Variants in WDR70 observed in about 807,000 individuals in gnomAD.
WDR70 encodes WD repeat domain 70, also known as WD repeat-containing protein 70.
In WDR70, 53 loss-of-function variants were observed where a neutral mutation model predicts 88.6. The observed-to-expected ratio is 0.60, with a 90% CI of 0.48 to 0.75. WDR70 has a LOEUF of 0.75. Ranked by LOEUF, WDR70 falls within the 30% of genes least tolerant of loss-of-function variation. The pLI is 0.00. For synonymous variants in WDR70, 280 were observed against 270.0 expected (o/e 1.04, Z -0.36); for missense variants, 610 against 823.2 (o/e 0.74, Z 3.17).
chr5:37,496,097 TCAG>T (rs1188482554), intron 8 of WDR70, among the ~76,000 whole-genome samples: 3 of 152,186 alleles, frequency 2.0e-5, no homozygotes, highest in Admixed American at 2.0e-4. Flanking sequence ...TAAACACCAA[TCAG>T]CACTCTGTGT....
chr5:37,409,130 G>A (rs901286027), intron 5 of WDR70, among the ~76,000 whole-genome samples: 1 of 151,822 alleles, frequency 6.6e-6, no homozygotes, highest in Non-Finnish European at 1.5e-5. Context: ...GTAGAGATGG[G>A]GTTTCACCAT....
rs371674330 is a variant in WDR70 at position 37,670,091 on chromosome 5, T to C, written c.1093-27564T>C. On this transcript the variant is annotated intron_variant, in intron 10 of 17. Transcript: ENST00000265107. ...TTTGGGGTAGTGCGAGGTTCTAAAA[T>C]TGATTGTACTGGTGGCTGCGCAACT... Among the ~76,000 whole-genome samples the C allele has an allele frequency of 3.0e-4, 45 of 152,240 alleles. 2 individuals carry two copies. The South Asian group carries it at 9.1e-3, about 31-fold the overall frequency.
At chr5:37,533,486 A>G (rs1050442928) in intron 9 of WDR70, among the ~76,000 whole-genome samples, 1 of 144,102 alleles carries the variant, frequency 6.9e-6, no homozygotes, top group African/African-American at 2.5e-5. Context: ...CACCACCACC[A>G]CCACCACCAC....
chr5:37,439,720 G>A (rs1397607305), intron 6 of WDR70, among the ~76,000 whole-genome samples: 4 of 142,472 alleles, frequency 2.8e-5, no homozygotes, highest in Non-Finnish European at 6.1e-5. Flanking sequence ...TTTTCTCTCT[G>A]ATCTTTTTTT....
chr5:37,453,926 C>T (rs1221132185), intron 7 of WDR70, among the ~76,000 whole-genome samples: 1 of 152,140 alleles, frequency 6.6e-6, no homozygotes, highest in Non-Finnish European at 1.5e-5. Flanking sequence ...CCCACTCTAC[C>T]CATTACCCTG....
intron 2 of WDR70, among the ~76,000 whole-genome samples, chr5:37,380,327 T>C (rs1389246017): frequency 1.3e-5 from 2 of 152,106 alleles, no homozygotes; most frequent in Admixed American, 6.6e-5. Context: ...ACTAGTTCTG[T>C]AGTTTCTCTA....
intron 8 of WDR70, among the ~76,000 whole-genome samples, chr5:37,514,666 C>T (rs368589907): frequency 4.6e-5 from 7 of 151,830 alleles, no homozygotes; most frequent in East Asian, 3.9e-4. Context: ...TCTGTTCCTA[C>T]GTTAGAACTA....
chr5:37,671,558 T>C (rs188863118), intron 10 of WDR70, among the ~76,000 whole-genome samples: 2 of 152,340 alleles, frequency 1.3e-5, no homozygotes, highest in East Asian at 3.9e-4. Context: ...CTAGGACTAG[T>C]AATCTTTCTA....
At chr5:37,434,330 A>G (rs1750404083) in intron 5 of WDR70, among the ~76,000 whole-genome samples, 1 of 152,226 alleles carries the variant, frequency 6.6e-6, no homozygotes, top group South Asian at 2.1e-4. Context: ...GTGGGGTCAC[A>G]GCCGAACCAT....
At chr5:37,415,496 GGGGT>G (rs537673836) in intron 5 of WDR70, among the ~76,000 whole-genome samples, 3,715 of 71,028 alleles carry the variant, frequency 0.052, 736 homozygotes, top group African/African-American at 0.19. Context: ...GGGGCGGCTG[GGGGT>G]GGGGGGGGCC....
At chr5:37,737,521 C>T (rs1748335035) in intron 17 of WDR70, among the ~76,000 whole-genome samples, 1 of 152,198 alleles carries the variant, frequency 6.6e-6, no homozygotes, top group Admixed American at 6.5e-5. Context: ...TTAGCTTCAG[C>T]TCCGCCACCC....
intron 11 of WDR70, among the ~76,000 whole-genome samples, chr5:37,698,129 G>A (rs776013984): frequency 9.9e-5 from 15 of 151,808 alleles, no homozygotes; most frequent in Non-Finnish European, 1.8e-4. Context: ...TCTATTTGTT[G>A]CTTGACCATT....
intron 7 of WDR70, among the ~76,000 whole-genome samples, chr5:37,478,542 T>C (rs539567166): frequency 6.6e-6 from 1 of 152,294 alleles, no homozygotes; most frequent in South Asian, 2.1e-4. Context: ...TGTTTTGGGG[T>C]CAATCCCTGT....
At chr5:37,408,412 T>TGCACCTC (rs1449480764) in intron 5 of WDR70, among the ~76,000 whole-genome samples, 1 of 151,988 alleles carries the variant, frequency 6.6e-6, no homozygotes, top group Non-Finnish European at 1.5e-5. Context: ...AGGTGGAGGT[T>TGCACCTC]CCAGTGAGCC....
intron 11 of WDR70, among the ~76,000 whole-genome samples, chr5:37,700,168 G>A (rs1271756416): frequency 6.6e-6 from 1 of 152,100 alleles, no homozygotes; most frequent in Non-Finnish European, 1.5e-5. Flanking sequence ...ACTTGCACCT[G>A]ATTCTCATTC....
At position 37,721,233 on chromosome 5, in the gene WDR70, C is replaced by T; in HGVS notation, c.1517+18C>T. On this transcript the variant is annotated intron_variant, in intron 14 of 17. Transcript: ENST00000265107. ...AGTCAGAGGTATTTCATAAGTATTG[C>T]CTGTTTTAGATGGATGACAACAACT... 2 of 1,607,240 alleles carry T rather than the reference C, an allele frequency of 1.2e-6. No homozygotes were observed. Among genetic ancestry groups the T allele is most frequent in the Middle Eastern group, 1.7e-4 (1 of 6,038 alleles).
intron 10 of WDR70, among the ~76,000 whole-genome samples, chr5:37,657,820 A>G (rs1186659676): frequency 6.6e-6 from 1 of 152,210 alleles, no homozygotes; most frequent in African/African-American, 2.4e-5. Context: ...CTAACCAAAC[A>G]AGTCTGTATA....
intron 10 of WDR70, among the ~76,000 whole-genome samples, chr5:37,683,588 C>T (rs1240805226): frequency 2.0e-5 from 3 of 152,118 alleles, no homozygotes; most frequent in Non-Finnish European, 4.4e-5. Flanking sequence ...CTTATTTCTC[C>T]TTCACTAATG....
At chr5:37,429,791 C>G (rs1391134493) in intron 5 of WDR70, among the ~76,000 whole-genome samples, 1 of 152,158 alleles carries the variant, frequency 6.6e-6, no homozygotes, top group Non-Finnish European at 1.5e-5. Flanking sequence ...GTACAGTTCT[C>G]TGACTTGTTT....
Sources: gnomAD v4.1 joint callset for allele counts (sites outside exome capture counted in the v4.1 genomes callset) on GRCh38, gnomAD v4.1.1 for gene constraint, MANE v1.5 for transcripts, NCBI Gene and HGNC (gene_info 2026-07-23, HGNC 2026-07-21) for gene names.